TRRAP: variants seen among roughly 807,000 people sequenced by gnomAD.
TRRAP encodes transformation/transcription domain associated protein.
A neutral mutation model predicts 438.8 loss-of-function variants in TRRAP; 41 were observed. The observed-to-expected ratio is 0.09, with a 90% CI of 0.07 to 0.12. The LOEUF (loss-of-function observed/expected upper bound fraction) is 0.12, where lower values mean the gene tolerates loss of function less well. TRRAP is among the 10% of genes least tolerant of loss of function. TRRAP has a pLI of 1.00. For missense variants in TRRAP, 3,122 were observed against 5,055.1 expected (o/e 0.62, Z 11.60); for synonymous variants, 1,994 against 1,962.9 (o/e 1.02, Z -0.42).
chr7:98,914,837 G>T (rs1789449713), intron 18 of TRRAP, among the ~76,000 whole-genome samples: 2 of 144,758 alleles, frequency 1.4e-5, no homozygotes, highest in Non-Finnish European at 3.0e-5. Flanking sequence ...ATACAGTTTT[G>T]TAAAATAAAT....
intron 3 of TRRAP, among the ~76,000 whole-genome samples, chr7:98,884,561 A>G (rs1408977348): frequency 2.0e-5 from 3 of 152,126 alleles, no homozygotes; most frequent in Admixed American, 6.5e-5. Flanking sequence ...AAGCAGGTAC[A>G]TTGTGGTGAG....
intron 49 of TRRAP, 67 bp from the exon 50 acceptor site, chr7:98,966,974 G>A: frequency 6.5e-7 from 1 of 1,528,058 alleles, no homozygotes; most frequent in Non-Finnish European, 8.8e-7. Context: ...AATTGTAGGA[G>A]CTTAAAAAAT....
At chr7:99,009,482 C>T (rs1475152068) in intron 70 of TRRAP, among the ~76,000 whole-genome samples, 1 of 152,180 alleles carries the variant, frequency 6.6e-6, no homozygotes, top group Non-Finnish European at 1.5e-5. Context: ...CAGCTCTGTG[C>T]AGGCAGAGGC....
intron 4 of TRRAP, 87 bp from the exon 5 acceptor site, chr7:98,892,337 T>G: frequency 9.1e-7 from 1 of 1,103,918 alleles, no homozygotes; most frequent in Non-Finnish European, 1.3e-6. Context: ...TGTAAACAGC[T>G]GTGTGACACT....
chr7:98,912,433 T>G (rs1789317257), intron 18 of TRRAP, among the ~76,000 whole-genome samples: 1 of 151,916 alleles, frequency 6.6e-6, no homozygotes. Flanking sequence ...CAAACTATAG[T>G]GACTCTTTAT....
At chr7:98,978,399 T>A in intron 57 of TRRAP, 76 bp downstream of exon 57, 1 of 1,315,288 alleles carries the variant, frequency 7.6e-7, no homozygotes, top group Non-Finnish European at 1.1e-6. Context: ...CCTTTTCTTG[T>A]AATGAGCGTT....
chr7:98,916,038 C>G (rs559242334), intron 19 of TRRAP, 150 bp downstream of exon 19: 13 of 1,049,626 alleles, frequency 1.2e-5, no homozygotes, highest in African/African-American at 3.2e-5. Flanking sequence ...CCCCTGCCCC[C>G]CTCCCCTGGC....
Position 98,955,145 on chromosome 7 carries a change from C to T in TRRAP, c.5778C>T (p.Ile1926=), listed in dbSNP as rs782296052. The T allele has an allele frequency of 1.1e-5, 18 of 1,614,174 alleles. No homozygotes were observed. Among genetic ancestry groups the T allele is most frequent in the Admixed American group, 1.7e-5 (1 of 60,016 alleles). The part of the protein sequence containing the change: ...LKAHAMEARA[I]VRQAMAILTP... ...CTCACGCAATGGAAGCTCGAGCGATCGTCAGACAGGCGATGGCCATTCTGA... is the reference window on the plus strand; with the variant it reads ...CTCACGCAATGGAAGCTCGAGCGATTGTCAGACAGGCGATGGCCATTCTGA... Residue 1926 remains isoleucine, a synonymous_variant, in exon 41 of 73, where the codon ATC becomes ATT. Transcript: ENST00000456197.
At chr7:98,897,913 G>A (rs201016759) in intron 8 of TRRAP, 47 bp downstream of exon 8, 121 of 1,609,424 alleles carry the variant, frequency 7.5e-5, no homozygotes, top group African/African-American at 5.2e-4. Flanking sequence ...CTGTAGTTTC[G>A]GATACTGGCC....
chr7:98,910,526 C>T lies in TRRAP; in HGVS notation c.1731C>T (p.Pro577=). 2 of 1,613,978 alleles carry T rather than the reference C, an allele frequency of 1.2e-6. No individual in the cohort carries two copies. The highest frequency in any genetic ancestry group is 1.7e-6 in the Non-Finnish European group (2 of 1,180,004). The part of the protein sequence containing the change: ...CKAPGEAQFI[P]NKQLQPKETQ... The stretch of plus-strand genomic sequence containing the variant: ...CTTTTCCAGAAGCTCAGTTCATTCC[C>T]AACAAGCAGTTACAACCCAAAGAGA... Residue 577 remains proline (P), a synonymous_variant, in exon 16 of 73, where the codon CCC becomes CCT. Transcript: ENST00000456197.
rs1791171680 is a variant in TRRAP at position 98,948,142 on chromosome 7, G to A, written c.4549-79G>A. The stretch of plus-strand genomic sequence containing the variant: ...GCCTTGCCAACATAGTTAGACTATA[G>A]TAGGGTCTGTAGTGACGTTGACCTC... On this transcript the variant is annotated intron_variant, in intron 33 of 72. Coordinates refer to ENST00000456197, the MANE Select transcript of TRRAP (RefSeq NM_001375524.1). The surrounding 1 kb of genome is among the most constrained non-coding windows in gnomAD (Gnocchi z 4.9). 1.9e-6 allele frequency: 3 copies of A among 1,592,654 alleles called. No individual in the cohort carries two copies. The highest frequency in any genetic ancestry group is 1.3e-5 in the African/African-American group (1 of 74,682).
rs1455784096 is a variant in TRRAP, at chr7:98,891,135, C to T, written c.261+690C>T. ...ATAGCTATGGTCAATTTTGTTTTAT[C>T]GACACGCCCCCAACACACTGTTCAT... On this transcript the variant is annotated intron_variant, in intron 4 of 72. Transcript: ENST00000456197. Among the ~76,000 whole-genome samples the T allele has an allele frequency of 6.7e-5, 10 of 148,660 alleles. No individual in the cohort carries two copies. In the Admixed American group the frequency reaches 6.7e-4, roughly 10 times the overall value.
chr7:98,988,451 A>G (rs1171797722), intron 62 of TRRAP, among the ~76,000 whole-genome samples: 1 of 152,260 alleles, frequency 6.6e-6, no homozygotes, highest in Non-Finnish European at 1.5e-5. Flanking sequence ...GCACTGACAC[A>G]GGCTTCAACA....
intron 20 of TRRAP, 152 bp from the exon 21 acceptor site, chr7:98,921,601 C>G (rs1789800037): frequency 1.1e-6 from 1 of 946,546 alleles, no homozygotes; most frequent in Non-Finnish European, 1.6e-6. Context: ...GTCTTGAACT[C>G]CTGACGTCAG....
Position 99,003,853 on chromosome 7 carries a change from C to T in TRRAP, c.10310-337C>T, listed in dbSNP as rs1327076280. On this transcript the variant is annotated intron_variant, in intron 67 of 72. Transcript: ENST00000456197. ...CTGAGGTGGGCGGATCATCTGAGGTCGGGAGTTCAAGACCAGCCTGGCCAA... is the reference window on the plus strand; with the variant it reads ...CTGAGGTGGGCGGATCATCTGAGGTTGGGAGTTCAAGACCAGCCTGGCCAA... Among the ~76,000 whole-genome samples the T allele has an allele frequency of 5.3e-5, 8 of 152,238 alleles. No individual in the cohort carries two copies. The South Asian group carries it at 6.2e-4, about 12-fold the overall frequency.
rs970562385 is a variant in TRRAP at position 98,908,047 on chromosome 7, C to T, written c.1116-681C>T. Among the ~76,000 whole-genome samples the T allele has an allele frequency of 5.3e-5, 8 of 152,274 alleles. No homozygotes were observed. In the East Asian group the frequency reaches 1.3e-3, roughly 26 times the overall value. On this transcript the variant is annotated intron_variant, in intron 13 of 72. Transcript: ENST00000456197. This position sits in a 1 kb window ranked among gnomAD's most constrained non-coding sequence, Gnocchi z 4.1. ...TTTCCCTGGATTTTTGCCTTATGGC[C>T]CCTTTTTGTCCTTAAGATCTCAACT...
At chr7:98,888,247 G>C in intron 3 of TRRAP, among the ~76,000 whole-genome samples, 1 of 143,934 alleles carries the variant, frequency 6.9e-6, no homozygotes, top group Non-Finnish European at 1.5e-5. Context: ...AAAAAAAGTT[G>C]AACTCCAGTC....
At chr7:98,953,526 C>G in intron 40 of TRRAP, 93 bp downstream of exon 40, 1 of 1,531,988 alleles carries the variant, frequency 6.5e-7, no homozygotes, top group Non-Finnish European at 8.8e-7. Context: ...CTCCTGTTGT[C>G]TTCTCCCAAA....
At chr7:98,977,255 A>G (rs907967188) in intron 56 of TRRAP, among the ~76,000 whole-genome samples, 179 bp downstream of exon 56, 5 of 152,112 alleles carry the variant, frequency 3.3e-5, no homozygotes, top group African/African-American at 1.2e-4. Flanking sequence ...TCCACCTCCC[A>G]GGTTCAAGCG....
Sources: gnomAD v4.1 joint callset for allele counts (sites outside exome capture counted in the v4.1 genomes callset) on GRCh38, gnomAD v4.1.1 for gene constraint, Gnocchi (gnomAD v3.1) non-coding constraint, MANE v1.5 for transcripts, NCBI Gene and HGNC (gene_info 2026-07-23, HGNC 2026-07-21) for gene names.